Variants in TENM3 observed in about 807,000 individuals in gnomAD.
The protein encoded by TENM3 is teneurin-3.
TENM3 carries 63 observed loss-of-function variants against 255.1 expected under a neutral mutation model. The ratio of observed to expected loss-of-function variants is 0.25; its 90% CI spans 0.20 to 0.30. The LOEUF is 0.30. Among genes scored for constraint, TENM3 ranks in the 10% least tolerant of loss-of-function variants. The pLI, the probability that TENM3 is intolerant of heterozygous loss-of-function variation, is 1.00. For missense variants in TENM3, 2,929 were observed against 3,461.1 expected (o/e 0.85, Z 3.86); for synonymous variants, 1,306 against 1,322.3 (o/e 0.99, Z 0.27).
the TENM3 span, among the ~76,000 whole-genome samples, chr4:181,723,857 A>G: frequency 2.0e-5 from 3 of 152,182 alleles, no homozygotes; most frequent in Non-Finnish European, 2.9e-5. Flanking sequence ...ACATTCTGAG[A>G]AAAGAACATT....
chr4:182,781,939 C>T (rs1765202326), intron 24 of TENM3, among the ~76,000 whole-genome samples: 2 of 149,018 alleles, frequency 1.3e-5, no homozygotes, highest in African/African-American at 4.9e-5. Context: ...TTAGATTCTT[C>T]TCTCTTTTTT....
At position 182,680,571 on chromosome 4, in the gene TENM3, C is replaced by T. The variant is rs372557342; in HGVS notation, c.1668C>T (p.Asn556=). The change falls in exon 10 of 28, where the codon AAC becomes AAT. Residue 556 remains asparagine, a synonymous_variant. Transcript: ENST00000511685. ...RAACPVLCSG[N]GQYSKGRCLC... ...CCTGTCCAGTGTTATGTAGTGGCAACGGGCAGTACTCCAAGGGCCGCTGCC... is the reference window on the plus strand; with the variant it reads ...CCTGTCCAGTGTTATGTAGTGGCAATGGGCAGTACTCCAAGGGCCGCTGCC... 23 of 1,613,412 alleles carry T rather than the reference C, an allele frequency of 1.4e-5. No homozygotes were observed. Among genetic ancestry groups the T allele is most frequent in the African/African-American group, 5.3e-5 (4 of 74,830 alleles).
chr4:181,677,796 C>T, the TENM3 span, among the ~76,000 whole-genome samples: 1 of 152,064 alleles, frequency 6.6e-6, no homozygotes, highest in Non-Finnish European at 1.5e-5. Context: ...ATTTCATACT[C>T]GCACCTTCCT....
At chr4:181,934,218 A>G in the TENM3 span, among the ~76,000 whole-genome samples, 1 of 152,162 alleles carries the variant, frequency 6.6e-6, no homozygotes, top group African/African-American at 2.4e-5. Context: ...TAGGACTCAC[A>G]TTGCTATCCC....
At chr4:182,597,402 T>C (rs574237042) in intron 3 of TENM3, among the ~76,000 whole-genome samples, 1 of 152,168 alleles carries the variant, frequency 6.6e-6, no homozygotes, top group East Asian at 1.9e-4. Flanking sequence ...GAGCAAGACC[T>C]TGTCTCAGAG....
chr4:181,758,443 G>A, the TENM3 span, among the ~76,000 whole-genome samples: 4 of 152,104 alleles, frequency 2.6e-5, no homozygotes, highest in African/African-American at 9.7e-5. Flanking sequence ...GAGCCTTTAC[G>A]AATTTTTGGA....
At chr4:182,769,941 C>T (rs554978211) in intron 22 of TENM3, among the ~76,000 whole-genome samples, 14 of 151,304 alleles carry the variant, frequency 9.3e-5, no homozygotes, top group Admixed American at 8.6e-4. Context: ...CCCGTATCTA[C>T]TAAAAAATAC....
intron 12 of TENM3, among the ~76,000 whole-genome samples, chr4:182,709,685 C>T (rs1758607450): frequency 6.6e-6 from 1 of 151,990 alleles, no homozygotes. Flanking sequence ...TGTGGTATTT[C>T]AGAAAGTTTT....
At chr4:182,012,929 T>TC in the TENM3 span, 8 of 152,184 alleles carry the variant, frequency 5.3e-5, no homozygotes, top group African/African-American at 1.4e-4. Flanking sequence ...CAAGCATCCA[T>TC]CTTTTTTTTT....
the TENM3 span, among the ~76,000 whole-genome samples, chr4:181,820,486 A>AAAAC: frequency 2.0e-5 from 3 of 148,174 alleles, no homozygotes; most frequent in Admixed American, 2.0e-4. Flanking sequence ...ATTTTCTTTA[A>AAAAC]ACACACACAC....
At chr4:181,460,678 C>CTTTTTTTTTTTTTTTTT in the TENM3 span, among the ~76,000 whole-genome samples, 2 of 136,862 alleles carry the variant, frequency 1.5e-5, no homozygotes, top group Non-Finnish European at 3.1e-5. Context: ...AGCTATAGTT[C>CTTTTTTTTTTTTTTTTT]TTTTTTTTTT....
At chr4:182,056,484 C>T in the TENM3 span, among the ~76,000 whole-genome samples, 2 of 152,128 alleles carry the variant, frequency 1.3e-5, no homozygotes, top group African/African-American at 4.8e-5. Context: ...CTAACTTAGA[C>T]TGGTGTCCTT....
chr4:182,489,373 G>A (rs1302390553), intron 3 of TENM3, among the ~76,000 whole-genome samples: 1 of 152,114 alleles, frequency 6.6e-6, no homozygotes, highest in Non-Finnish European at 1.5e-5. Context: ...GACCTAAAAT[G>A]ATTTAGAGTA....
At chr4:182,258,602 T>TA (rs1189047678) in intron 1 of TENM3, among the ~76,000 whole-genome samples, 1 of 152,230 alleles carries the variant, frequency 6.6e-6, no homozygotes, top group Non-Finnish European at 1.5e-5. Context: ...TATTGTTATG[T>TA]AAGAAGTCAG....
the TENM3 span, among the ~76,000 whole-genome samples, chr4:181,522,366 A>T: frequency 6.6e-6 from 1 of 152,154 alleles, no homozygotes; most frequent in Non-Finnish European, 1.5e-5. Context: ...AAATGTTCTG[A>T]CATGATTAGA....
the TENM3 span, among the ~76,000 whole-genome samples, chr4:181,698,568 T>C: frequency 3.4e-3 from 515 of 152,310 alleles, 2 homozygotes; most frequent in African/African-American, 0.011. Context: ...AATTACATTT[T>C]TGGTCTCCAG....
At chr4:181,449,963 T>C in the TENM3 span, among the ~76,000 whole-genome samples, 1 of 152,200 alleles carries the variant, frequency 6.6e-6, no homozygotes. Context: ...CAAAATGATA[T>C]GGTACATTCT....
At chr4:181,525,317 A>G in the TENM3 span, among the ~76,000 whole-genome samples, 1 of 151,222 alleles carries the variant, frequency 6.6e-6, no homozygotes, top group African/African-American at 2.4e-5. Context: ...GAATCATTTG[A>G]ACCCAGGAAG....
intron 19 of TENM3, among the ~76,000 whole-genome samples, chr4:182,747,777 T>G (rs1039187333): frequency 3.1e-4 from 47 of 152,178 alleles, no homozygotes; most frequent in African/African-American, 1.1e-3. Context: ...TTATAAAAAT[T>G]TTATTCAGTA....
Sources: allele counts gnomAD v4.1 joint callset (sites outside exome capture counted in the v4.1 genomes callset), GRCh38; gene constraint gnomAD v4.1.1; transcripts MANE v1.5; gene names NCBI Gene and HGNC (gene_info 2026-07-23, HGNC 2026-07-21).